The following HEPH variants were observed in gnomAD, a reference collection of about 807,000 sequenced individuals.
The protein encoded by HEPH is hephaestin.
HEPH carries 69 observed loss-of-function variants against 80.8 expected under a neutral mutation model. That is an observed-to-expected ratio of 0.85 (90% CI 0.70 to 1.04). The LOEUF (loss-of-function observed/expected upper bound fraction) is 1.04, where lower values mean the gene tolerates loss of function less well. Ranked by LOEUF, HEPH falls within the 50% of genes least tolerant of loss-of-function variation. HEPH has a pLI of 0.00. For missense variants in HEPH, 1,115 were observed against 891.3 expected (o/e 1.25, Z -3.20); for synonymous variants, 431 against 322.8 (o/e 1.34, Z -3.60).
intron 15 of HEPH, among the ~76,000 whole-genome samples, chrX:66,248,507 G>A (rs191602958): frequency 9.8e-5 from 11 of 111,862 alleles, no homozygotes; most frequent in South Asian, 7.5e-4. Flanking sequence ...AATGATGCTG[G>A]CAATTTGTAT....
chrX:66,175,464 T>G lies in HEPH; in HGVS notation c.625+1663T>G, dbSNP rs143772935. On this transcript the variant is annotated intron_variant, in intron 4 of 20. Coordinates refer to ENST00000343002, the MANE Select transcript of HEPH (RefSeq NM_001367233.3). ...GTGATGCCTCCAGATTTGTTTTTTT[T>G]GCTTAGTCTTGCTTTGGCTATGCAG... Among the ~76,000 whole-genome samples the G allele has an allele frequency of 3.2e-3, 363 of 112,048 alleles. 4 individuals are homozygous for G. Among genetic ancestry groups the G allele is most frequent in the African/African-American group, 0.011 (343 of 30,895 alleles).
At chrX:66,168,233 G>A (rs532499206) in intron 1 of HEPH, among the ~76,000 whole-genome samples, 1 of 111,859 alleles carries the variant, frequency 8.9e-6, no homozygotes. Flanking sequence ...ATTAACCCTT[G>A]GAGTAGGAAT....
chrX:66,173,831 G>A (rs1274226580), intron 4 of HEPH, 30 bp downstream of exon 4: 1 of 1,078,385 alleles, frequency 9.3e-7, no homozygotes, highest in Admixed American at 2.6e-5. Flanking sequence ...GCTATGAGGT[G>A]TAGTTTGGGA....
chrX:66,263,607 A>G, intron 19 of HEPH, 37 bp from the exon 20 acceptor site: 1 of 1,203,904 alleles, frequency 8.3e-7, no homozygotes, highest in Non-Finnish European at 1.1e-6. Flanking sequence ...AGGAAGAACA[A>G]TAAGGCTAAC....
chrX:66,256,376 G>A (rs375841029), intron 17 of HEPH, 46 bp downstream of exon 17: 1 of 930,531 alleles, frequency 1.1e-6, no homozygotes, highest in South Asian at 2.2e-5. Flanking sequence ...GTCCCTACTG[G>A]TTACATGGGG....
intron 19 of HEPH, among the ~76,000 whole-genome samples, chrX:66,262,897 A>T (rs2148239043): frequency 8.9e-6 from 1 of 111,754 alleles, no homozygotes; most frequent in South Asian, 3.8e-4. Context: ...GAGATGTAAC[A>T]ATTCTTGATA....
rs775480851 is a variant in HEPH at position 66,191,593 on chromosome X, A to G, written c.1064-537A>G. Among the ~76,000 whole-genome samples the G allele has an allele frequency of 2.7e-5, 3 of 111,929 alleles. No individual in the cohort carries two copies. In the East Asian group the frequency reaches 8.4e-4, roughly 31 times the overall value. On this transcript the variant is annotated intron_variant, in intron 6 of 20. Transcript: ENST00000343002. ...TTTGAAAACACTACTTAGAATCTAC[A>G]TTTTCCTTACGGTCCCAAGTCTGAA...
chrX:66,197,175 G>A (rs1414779027), intron 9 of HEPH, among the ~76,000 whole-genome samples: 5 of 109,519 alleles, frequency 4.6e-5, no homozygotes, highest in African/African-American at 1.7e-4. Context: ...TACAGCCTTA[G>A]TGTTTTATAT....
chrX:66,234,288 C>CT (rs967986478), intron 15 of HEPH, among the ~76,000 whole-genome samples: 32 of 110,196 alleles, frequency 2.9e-4, no homozygotes, highest in Middle Eastern at 4.7e-3. Flanking sequence ...TATAATGCTT[C>CT]TTTTTTTAAA....
chrX:66,173,962 ATT>A (rs58062602), intron 4 of HEPH, among the ~76,000 whole-genome samples, 161 bp downstream of exon 4: 3 of 102,374 alleles, frequency 2.9e-5, no homozygotes, highest in African/African-American at 7.0e-5. Flanking sequence ...ACTTTGCACT[ATT>A]TTTTTTTTTG....
At chrX:66,217,496 C>T (rs1354113560) in intron 15 of HEPH, among the ~76,000 whole-genome samples, 1 of 111,323 alleles carries the variant, frequency 9.0e-6, no homozygotes, top group Admixed American at 9.5e-5. Context: ...AAAGAATTTG[C>T]CACTACCAAG....
chrX:66,217,838 A>G (rs2089464137), intron 15 of HEPH, among the ~76,000 whole-genome samples: 1 of 111,805 alleles, frequency 8.9e-6, no homozygotes, highest in African/African-American at 3.2e-5. Context: ...AAAAGGGGGG[A>G]AAAAGATATT....
At chrX:66,198,782 G>A in intron 10 of HEPH, 96 bp from the exon 11 acceptor site, 1 of 671,676 alleles carries the variant, frequency 1.5e-6, no homozygotes, top group Non-Finnish European at 2.3e-6. Flanking sequence ...AAGGAAATGG[G>A]AAAGAATCTG....
At chrX:66,226,297 C>A (rs1002482289) in intron 15 of HEPH, among the ~76,000 whole-genome samples, 1 of 111,291 alleles carries the variant, frequency 9.0e-6, no homozygotes, top group East Asian at 2.8e-4. Context: ...TGGTCTCCTC[C>A]CTTACTAAGA....
intron 20 of HEPH, among the ~76,000 whole-genome samples, chrX:66,265,736 A>G (rs2091518571): frequency 8.9e-6 from 1 of 111,994 alleles, no homozygotes; most frequent in Admixed American, 9.5e-5. Context: ...GAAGCCTGAA[A>G]GGGGATCACT....
intron 4 of HEPH, among the ~76,000 whole-genome samples, chrX:66,183,648 A>G (rs2087264248): frequency 1.8e-5 from 1 of 55,710 alleles, no homozygotes; most frequent in Admixed American, 1.8e-4. Context: ...CTTTCAAAAA[A>G]CCAGCTCCTG....
chrX:66,188,983 C>A (rs1402315614), intron 5 of HEPH, among the ~76,000 whole-genome samples: 5 of 112,513 alleles, frequency 4.4e-5, no homozygotes, highest in Non-Finnish European at 9.4e-5. Flanking sequence ...GCTTATATCT[C>A]CCATCGTACT....
At chrX:66,175,003 CA>C (rs2086742232) in intron 4 of HEPH, among the ~76,000 whole-genome samples, 1 of 111,503 alleles carries the variant, frequency 9.0e-6, no homozygotes, top group Non-Finnish European at 1.9e-5. Flanking sequence ...TGTTGGCGTG[CA>C]AAAACTCTTT....
chrX:66,260,213 C>A lies in HEPH; in HGVS notation c.3150C>A (p.Asp1050Glu). 1 of 1,208,974 alleles carries A rather than the reference C, an allele frequency of 8.3e-7. No individual in the cohort carries two copies. Among genetic ancestry groups the A allele is most frequent in the African/African-American group, 1.7e-5 (1 of 57,604 alleles). Residue 1050 changes from aspartate (D) to glutamate (E), a missense_variant, in exon 19 of 21, where the codon GAC becomes GAA. By Grantham distance (45) the Asp-to-Glu change is conservative. This residue lies in a region of HEPH where 716 missense variants were observed against 523.5 expected (regional missense o/e 1.37). Transcript: ENST00000343002. ...GGCTGATGCACTGCCATGTGACTGA[C>A]CATGTCCATGCTGGCATGGAGACCC... ...GTWLMHCHVT[D>E]HVHAGMETLF...
Sources: allele counts gnomAD v4.1 joint callset (sites outside exome capture counted in the v4.1 genomes callset), GRCh38; gene constraint gnomAD v4.1.1; regional missense constraint gnomAD v4.1.1; transcripts MANE v1.5; gene names NCBI Gene and HGNC (gene_info 2026-07-23, HGNC 2026-07-21).